NEK1: variants seen among roughly 807,000 people sequenced by gnomAD.
The protein encoded by NEK1 is NIMA related kinase 1, also known as serine/threonine-protein kinase Nek1.
A neutral mutation model predicts 182.1 loss-of-function variants in NEK1; 137 were observed. The observed-to-expected ratio is 0.75, with a 90% confidence interval of 0.65 to 0.87. NEK1 has a LOEUF of 0.87. NEK1 is among the 40% of genes least tolerant of loss of function. The pLI is 0.00. For missense variants in NEK1, 1,391 were observed against 1,494.4 expected (o/e 0.93, Z 1.14); for synonymous variants, 513 against 492.2 (o/e 1.04, Z -0.56).
chr4:169,446,165 G>GA (rs957284038), intron 27 of NEK1, among the ~76,000 whole-genome samples: 1 of 151,474 alleles, frequency 6.6e-6, no homozygotes, highest in Non-Finnish European at 1.5e-5. Flanking sequence ...TACAGTTAAT[G>GA]AAAAAAAGCA....
chr4:169,484,611 A>G (rs887001443), intron 23 of NEK1, among the ~76,000 whole-genome samples: 13 of 152,198 alleles, frequency 8.5e-5, no homozygotes, highest in Non-Finnish European at 1.5e-5. Flanking sequence ...GGGAAGAATG[A>G]AACAAAAAAT....
intron 5 of NEK1, among the ~76,000 whole-genome samples, chr4:169,594,214 C>T (rs149071637): frequency 4.7e-4 from 71 of 152,222 alleles, no homozygotes; most frequent in East Asian, 9.6e-4. Context: ...TTAGTACAGA[C>T]GGCCTTATAG....
At chr4:169,553,218 T>C (rs901030095) in intron 18 of NEK1, among the ~76,000 whole-genome samples, 1 of 152,160 alleles carries the variant, frequency 6.6e-6, no homozygotes, top group African/African-American at 2.4e-5. Flanking sequence ...TAAAAATCCT[T>C]TGTCAACCAA....
At chr4:169,476,634 T>C (rs958023749) in intron 26 of NEK1, among the ~76,000 whole-genome samples, 1 of 152,138 alleles carries the variant, frequency 6.6e-6, no homozygotes, top group Non-Finnish European at 1.5e-5. Context: ...AGAGCACATA[T>C]GTTTCTGTTT....
intron 19 of NEK1, among the ~76,000 whole-genome samples, chr4:169,509,866 A>G (rs1002421342): frequency 6.6e-6 from 1 of 152,132 alleles, no homozygotes; most frequent in Non-Finnish European, 1.5e-5. Flanking sequence ...CTGCATATGT[A>G]TAATACATAC....
chr4:169,519,979 T>C (rs1169597948), intron 19 of NEK1, among the ~76,000 whole-genome samples: 1 of 61,140 alleles, frequency 1.6e-5, no homozygotes, highest in Non-Finnish European at 3.4e-5. Context: ...CTGACAATTA[T>C]GTGTCTGGGA....
At chr4:169,514,114 T>G (rs1580375321) in intron 19 of NEK1, among the ~76,000 whole-genome samples, 1 of 151,886 alleles carries the variant, frequency 6.6e-6, no homozygotes, top group Non-Finnish European at 1.5e-5. Flanking sequence ...GCCTCCTGAG[T>G]AGCTGGGACT....
At chr4:169,494,389 T>C (rs1020575897) in intron 23 of NEK1, among the ~76,000 whole-genome samples, 3 of 152,174 alleles carry the variant, frequency 2.0e-5, no homozygotes, top group Admixed American at 6.5e-5. Flanking sequence ...AGAATGATGG[T>C]TTCCAGCTTC....
At chr4:169,460,549 G>A (rs944801988) in intron 27 of NEK1, among the ~76,000 whole-genome samples, 1 of 151,954 alleles carries the variant, frequency 6.6e-6, no homozygotes, top group Admixed American at 6.6e-5. Flanking sequence ...ATATCACTAT[G>A]TATCCAAAAC....
At chr4:169,541,466 T>C (rs1759401036) in intron 18 of NEK1, among the ~76,000 whole-genome samples, 1 of 151,978 alleles carries the variant, frequency 6.6e-6, no homozygotes, top group Non-Finnish European at 1.5e-5. Flanking sequence ...GAGTTACTGA[T>C]AAGAAAGGAA....
chr4:169,481,765 G>A (rs1303370938), intron 23 of NEK1, among the ~76,000 whole-genome samples: 2 of 152,132 alleles, frequency 1.3e-5, no homozygotes, highest in Non-Finnish European at 2.9e-5. Context: ...AATGGCAAAT[G>A]AGCACTGGCT....
intron 18 of NEK1, among the ~76,000 whole-genome samples, chr4:169,545,672 G>A (rs1237684790): frequency 6.7e-6 from 1 of 149,964 alleles, no homozygotes; most frequent in Non-Finnish European, 1.5e-5. Flanking sequence ...CACCAACAGT[G>A]TAAAAGTGTT....
chr4:169,512,230 C>T (rs1477525135), intron 19 of NEK1, among the ~76,000 whole-genome samples: 1 of 152,046 alleles, frequency 6.6e-6, no homozygotes, highest in Non-Finnish European at 1.5e-5. Context: ...TTTTACATTC[C>T]AAACAACAAT....
chr4:169,424,844 T>C, intron 30 of NEK1, 44 bp from the exon 31 acceptor site: 1 of 1,510,698 alleles, frequency 6.6e-7, no homozygotes, highest in Non-Finnish European at 8.9e-7. Flanking sequence ...TATACAGTAC[T>C]TAAAGTTCTA....
intron 23 of NEK1, among the ~76,000 whole-genome samples, chr4:169,489,152 C>A (rs1308859629): frequency 6.6e-6 from 1 of 152,112 alleles, no homozygotes; most frequent in African/African-American, 2.4e-5. Context: ...TCATGAGACA[C>A]AGAATTCCCA....
chr4:169,602,114 G>A lies in NEK1; in HGVS notation c.118-10C>T, dbSNP rs1330006018. On this transcript the variant is annotated splice_polypyrimidine_tract_variant and intron_variant, in intron 3 of 35. Transcript: ENST00000507142. The stretch of plus-strand genomic sequence containing the variant: ...TTTCTTTACTGGACATCTTAAATGG[G>A]AGGAAAAAGAAAATAGTAAATGAAA... 6.3e-7 allele frequency: 1 copy of A among 1,582,882 alleles called. No homozygotes were observed. Among genetic ancestry groups the A allele is most frequent in the South Asian group, 1.1e-5 (1 of 90,298 alleles).
chr4:169,577,756 A>AAATAAT (rs372782497), intron 11 of NEK1, among the ~76,000 whole-genome samples: 18 of 151,212 alleles, frequency 1.2e-4, no homozygotes, highest in East Asian at 3.9e-4. Flanking sequence ...TCCGTCTCAA[A>AAATAAT]AATAATAATA....
Position 169,549,509 on chromosome 4 carries a change from G to A in NEK1, c.1562+6211C>T, listed in dbSNP as rs183288879. ...GTGATCTCGGCTCACTGCAACCTCT[G>A]CCTCCTGGGTTCAAGCAATTCTCCT... On this transcript the variant is annotated intron_variant, in intron 18 of 35. Transcript: ENST00000507142. Among the ~76,000 whole-genome samples, 705 of 152,180 alleles carry A rather than the reference G, an allele frequency of 4.6e-3. 8 individuals are homozygous for A. Among genetic ancestry groups the A allele is most frequent in the Non-Finnish European group, 7.2e-3 (488 of 67,984 alleles).
chr4:169,543,143 C>A (rs1284977482), intron 18 of NEK1, among the ~76,000 whole-genome samples: 1 of 152,098 alleles, frequency 6.6e-6, no homozygotes, highest in East Asian at 1.9e-4. Context: ...AATCTTTAAT[C>A]CATCTTGAGT....
Sources: allele counts gnomAD v4.1 joint callset (sites outside exome capture counted in the v4.1 genomes callset), GRCh38; gene constraint gnomAD v4.1.1; transcripts MANE v1.5; gene names NCBI Gene and HGNC (gene_info 2026-07-23, HGNC 2026-07-21).